Variants in RAC2 observed in about 807,000 individuals in gnomAD.
RAC2 encodes Rac family small GTPase 2.
In RAC2, 1 loss-of-function variant was observed where a neutral mutation model predicts 24.0. The ratio of observed to expected loss-of-function variants is 0.04; its 90% CI spans 0.01 to 0.20. The LOEUF (loss-of-function observed/expected upper bound fraction) is 0.20, where lower values mean the gene tolerates loss of function less well. RAC2 is among the 10% of genes least tolerant of loss of function. The probability of loss-of-function intolerance (pLI) is 1.00; values close to 1 mark genes in which losing one functional copy is unlikely to be tolerated. For missense variants in RAC2, 130 were observed against 259.1 expected, an observed-to-expected ratio of 0.50 and a Z score of 3.42; for synonymous variants, 114 against 106.8, an observed-to-expected ratio of 1.07 and a Z score of -0.41.
rs201150296 is a variant in RAC2, at chr22:37,226,843, GC to G, written c.449-41del. Reference sequence around the variant, plus strand: ...GGACAGGAGAGCCAAGGCCTAAGTGGCGGGGGGGGTTCTGGGCCAACATGTC... The same window carrying G: ...GGACAGGAGAGCCAAGGCCTAAGTGGGGGGGGGGTTCTGGGCCAACATGTC... On this transcript the variant is annotated intron_variant, in intron 5 of 6. Transcript: ENST00000249071. 4.2e-4 allele frequency: 510 copies of G among 1,200,094 alleles called. 23 individuals are homozygous for G. The African/African-American group carries it at 5.2e-3, about 12-fold the overall frequency. The allele number at this position is 1,200,094 out of a possible 1,614,324, so 74.3% of individuals were successfully genotyped here.
intron 3 of RAC2, 115 bp from the exon 4 acceptor site, chr22:37,232,109 C>T: frequency 2.9e-6 from 3 of 1,044,616 alleles, no homozygotes; most frequent in Non-Finnish European, 4.3e-6. Flanking sequence ...CCAGGGAATG[C>T]TGGGGACTTA....
intron 2 of RAC2, among the ~76,000 whole-genome samples, chr22:37,238,017 G>A (rs1225166910): frequency 6.6e-6 from 1 of 151,994 alleles, no homozygotes; most frequent in African/African-American, 2.4e-5. Flanking sequence ...GGAGGGTTCT[G>A]GGTGTCATAA....
rs910521882 is a variant in RAC2 at position 37,231,315 on chromosome 22, C to T, written c.364G>A (p.Asp122Asn). 3 of 1,614,038 alleles carry T rather than the reference C, an allele frequency of 1.9e-6. No individual in the cohort carries two copies. The highest frequency in any genetic ancestry group is 1.7e-5 in the Admixed American group (1 of 60,008). ...LVGTKLDLRD[D>N]KDTIEKLKEK... ...TTCAGTTTCTCGATGGTGTCCTTGTCGTCCCGCAGGTCCAGCTTGGTGCCC... is the reference window on the plus strand; with the variant it reads ...TTCAGTTTCTCGATGGTGTCCTTGTTGTCCCGCAGGTCCAGCTTGGTGCCC... Residue 122 changes from aspartate (D) to asparagine (N), a missense_variant, in exon 5 of 7, where the codon GAC becomes AAC. Coordinates refer to ENST00000249071, the MANE Select transcript of RAC2 (RefSeq NM_002872.5). This position sits in a 1 kb window ranked among gnomAD's most constrained non-coding sequence, Gnocchi z 5.5.
In RAC2 at chr22:37,226,841, T is replaced by TTG. The variant is rs376141013; in HGVS notation, c.449-39_449-38insCA. 234 of 1,593,872 alleles carry TTG rather than the reference T, an allele frequency of 1.5e-4. 2 individuals are homozygous for TTG. The African/African-American group carries it at 3.6e-3, about 24-fold the overall frequency. ...ATGGACAGGAGAGCCAAGGCCTAAG[T>TTG]GGCGGGGGGGGTTCTGGGCCAACAT... On this transcript the variant is annotated intron_variant, in intron 5 of 6. Coordinates refer to ENST00000249071, the MANE Select transcript of RAC2 (RefSeq NM_002872.5).
intron 1 of RAC2, 87 bp from the exon 2 acceptor site, chr22:37,241,745 T>A: frequency 8.1e-7 from 1 of 1,233,418 alleles, no homozygotes; most frequent in Non-Finnish European, 1.2e-6. Flanking sequence ...TGCAAAGACC[T>A]CAGCATCCAC....
In RAC2 at chr22:37,226,550, A is replaced by T. The variant is rs4821612; in HGVS notation, c.*2+121T>A. On this transcript the variant is annotated intron_variant, in intron 6 of 6. Transcript: ENST00000249071. ...ACAAGTAGGCTGCGGAAACTGAGGCAACCTCCATACCCACCTTCTTTCTGT... is the reference window on the plus strand; with the variant it reads ...ACAAGTAGGCTGCGGAAACTGAGGCTACCTCCATACCCACCTTCTTTCTGT... 206,828 of 1,335,504 alleles carry T rather than the reference A, an allele frequency of 0.15. 19,097 individuals are homozygous for T. The highest frequency in any genetic ancestry group is 0.39 in the African/African-American group (26,811 of 68,120). 82.7% of individuals were successfully genotyped at this position (1,335,504 alleles called of 1,614,324 possible). A position where few individuals can be genotyped will look rare whatever the true frequency, so the allele number is the denominator to read the frequency against.
chr22:37,241,185 C>T (rs759109933), intron 2 of RAC2: 1 of 777,494 alleles, frequency 1.3e-6, no homozygotes, highest in East Asian at 2.4e-5. Flanking sequence ...AGCTCTGTTC[C>T]ACCCCTCAGC....
chr22:37,227,417 C>A (rs1035454050), intron 5 of RAC2, among the ~76,000 whole-genome samples: 205 of 9,762 alleles, frequency 0.021, no homozygotes, highest in Admixed American at 0.025. Flanking sequence ...ACCCCTCCCA[C>A]ACCATACACT....
At chr22:37,240,757 C>G (rs749665069) in intron 2 of RAC2, 2 of 477,502 alleles carry the variant, frequency 4.2e-6, no homozygotes, top group Non-Finnish European at 7.6e-6. Context: ...ATCAGAAAGG[C>G]TTCCCGGAGG....
At chr22:37,243,188 T>C (rs565916394) in intron 1 of RAC2, among the ~76,000 whole-genome samples, 32 of 152,208 alleles carry the variant, frequency 2.1e-4, no homozygotes, top group African/African-American at 7.7e-4. Context: ...TTTATAGACA[T>C]AGGTTCTCGC....
chr22:37,241,100 C>T (rs767222826), intron 2 of RAC2: 29 of 773,252 alleles, frequency 3.8e-5, no homozygotes, highest in South Asian at 2.6e-4. Flanking sequence ...GACACCAACA[C>T]GCTCCCTCCA....
intron 5 of RAC2, among the ~76,000 whole-genome samples, chr22:37,230,598 T>A (rs1391541742): frequency 6.6e-6 from 1 of 152,160 alleles, no homozygotes; most frequent in Non-Finnish European, 1.5e-5. Flanking sequence ...CCTTCAAATC[T>A]GGCTGGGCCA....
rs559251938 is a variant in RAC2 at position 37,240,011 on chromosome 22, G to A, written c.107+1576C>T. Among the ~76,000 whole-genome samples the A allele has an allele frequency of 1.1e-4, 17 of 152,330 alleles. No individual in the cohort carries two copies. The South Asian group carries it at 3.1e-3, about 28-fold the overall frequency. On this transcript the variant is annotated intron_variant, in intron 2 of 6. Coordinates refer to ENST00000249071, the MANE Select transcript of RAC2 (RefSeq NM_002872.5). ...ATCAGGACCGAGCTGGGGCAAAAGC[G>A]GCTTTCTAGGCTCTCTGCTAGGGTT...
At chr22:37,227,509 T>C (rs77160582) in intron 5 of RAC2, among the ~76,000 whole-genome samples, 24 of 12,264 alleles carry the variant, frequency 2.0e-3, no homozygotes, top group African/African-American at 2.9e-3. Flanking sequence ...ACGCCTCCCA[T>C]GCCATACACC....
chr22:37,241,410 C>T (rs961100060), intron 2 of RAC2, among the ~76,000 whole-genome samples, 177 bp downstream of exon 2: 1 of 152,222 alleles, frequency 6.6e-6, no homozygotes, highest in Non-Finnish European at 1.5e-5. Flanking sequence ...CTGGGAGCCC[C>T]CAGCACCTCT....
At position 37,242,130 on chromosome 22, in the gene RAC2, T is replaced by A. The variant is rs547800974; in HGVS notation, c.36-472A>T. 3.9e-5 allele frequency among the ~76,000 whole-genome samples: 6 copies of A among 152,198 alleles called. No homozygotes were observed. In the South Asian group the frequency reaches 1.2e-3, roughly 32 times the overall value. ...AGAGATGAGCCCATCCTCATAGGAGTGTGCTGAGGAGTAAATCCAACGAGG... is the reference window on the plus strand; with the variant it reads ...AGAGATGAGCCCATCCTCATAGGAGAGTGCTGAGGAGTAAATCCAACGAGG... On this transcript the variant is annotated intron_variant, in intron 1 of 6. Coordinates refer to ENST00000249071, the MANE Select transcript of RAC2 (RefSeq NM_002872.5).
chr22:37,241,667 C>T lies in RAC2; in HGVS notation c.36-9G>A. ...AGGTCTTGCCCACGGCCCTGAAAGA[C>T]AGGAAGTGCAAGAGGGCGGCGGTCA... On this transcript the variant is annotated splice_polypyrimidine_tract_variant and intron_variant, in intron 1 of 6. Coordinates refer to ENST00000249071, the MANE Select transcript of RAC2 (RefSeq NM_002872.5). The T allele has an allele frequency of 6.2e-7, 1 of 1,613,424 alleles. No individual in the cohort carries two copies. The highest frequency in any genetic ancestry group is 1.1e-5 in the South Asian group (1 of 91,068).
intron 3 of RAC2, 199 bp downstream of exon 3, chr22:37,232,602 C>T (rs1248645163): frequency 1.8e-5 from 11 of 609,760 alleles, no homozygotes; most frequent in Non-Finnish European, 3.0e-5. Flanking sequence ...ACATTGAGGA[C>T]CGGGAACCAA....
intron 2 of RAC2, among the ~76,000 whole-genome samples, chr22:37,237,689 C>G (rs1471132944): frequency 6.6e-6 from 1 of 152,134 alleles, no homozygotes; most frequent in African/African-American, 2.4e-5. Flanking sequence ...TTCTTCCATG[C>G]AGAGCTGAGC....
Sources: gnomAD v4.1 joint callset for allele counts (sites outside exome capture counted in the v4.1 genomes callset) on GRCh38, gnomAD v4.1.1 for gene constraint, Gnocchi (gnomAD v3.1) non-coding constraint, MANE v1.5 for transcripts, NCBI Gene and HGNC (gene_info 2026-07-23, HGNC 2026-07-21) for gene names.